The following KANSL1 variants were observed in gnomAD, a reference collection of about 807,000 sequenced individuals.
KANSL1 encodes MLL1/MLL complex subunit KANSL1.
KANSL1 carries 22 observed loss-of-function variants against 103.6 expected under a neutral mutation model. The observed-to-expected ratio is 0.21, with a 90% CI of 0.15 to 0.30. The LOEUF (loss-of-function observed/expected upper bound fraction) is 0.30. Ranked by LOEUF, KANSL1 falls within the 10% of genes least tolerant of loss-of-function variation. KANSL1 has a pLI of 1.00. For synonymous variants in KANSL1, 600 were observed against 527.6 expected (o/e 1.14, Z -1.88); for missense variants, 1,337 against 1,399.8 (o/e 0.96, Z 0.72).
chr17:46,094,764 G>T, intron 2 of KANSL1, 63 bp from the exon 3 acceptor site: 12 of 1,590,784 alleles, frequency 7.5e-6, no homozygotes, highest in Non-Finnish European at 9.5e-6. Context: ...AGATTGGGGG[G>T]TGGGGAGTGG....
chr17:46,111,823 T>C (rs1246891830), intron 2 of KANSL1, among the ~76,000 whole-genome samples: 1 of 152,234 alleles, frequency 6.6e-6, no homozygotes, highest in Non-Finnish European at 1.5e-5. Context: ...TTAAAGACTT[T>C]AGCATAATCA....
chr17:46,209,328 C>T (rs1249780313), intron 1 of KANSL1, among the ~76,000 whole-genome samples: 4 of 152,076 alleles, frequency 2.6e-5, no homozygotes, highest in Admixed American at 6.5e-5. Flanking sequence ...TTATTTGCTT[C>T]GATATTTACT....
intron 2 of KANSL1, among the ~76,000 whole-genome samples, chr17:46,150,204 C>T (rs2045013923): frequency 6.6e-6 from 1 of 151,014 alleles, no homozygotes; most frequent in South Asian, 2.1e-4. Flanking sequence ...ATTGTGGCTG[C>T]TTATACTGCT....
intron 2 of KANSL1, among the ~76,000 whole-genome samples, chr17:46,125,068 AGGAGGGAGGGAGGGAGAGAG>A (rs1567702596): frequency 4.3e-5 from 1 of 23,020 alleles, no homozygotes; most frequent in African/African-American, 1.7e-4. Context: ...GGAGGGAGGG[AGGAGGGAGGGAGGGAGAGAG>A]GGAGGGAGGG....
intron 1 of KANSL1, among the ~76,000 whole-genome samples, chr17:46,175,092 C>T (rs910524180): frequency 6.6e-6 from 1 of 152,044 alleles, no homozygotes; most frequent in Non-Finnish European, 1.5e-5. Context: ...GACTAAGCAC[C>T]CCCCTCCCTG....
At position 46,162,006 on chromosome 17, in the gene KANSL1, T is replaced by C. The variant is rs182584191; in HGVS notation, c.1289+8849A>G. Among the ~76,000 whole-genome samples, 25 of 152,364 alleles carry C rather than the reference T, an allele frequency of 1.6e-4. No individual in the cohort carries two copies. The East Asian group carries it at 2.1e-3, about 13-fold the overall frequency. On this transcript the variant is annotated intron_variant, in intron 2 of 14. Transcript: ENST00000432791. ...TACAAGAAACCTTTCTTCACACTTA[T>C]AGAAATATAAAATCAAACAGGACAC...
intron 1 of KANSL1, among the ~76,000 whole-genome samples, chr17:46,175,381 G>A (rs2046474000): frequency 7.4e-6 from 1 of 135,686 alleles, no homozygotes; most frequent in Non-Finnish European, 1.6e-5. Context: ...ATGTAGTCTC[G>A]CTCTGTCGCC....
Position 46,105,865 on chromosome 17 carries a change from T to TCACACACACACA in KANSL1, c.1290-11176_1290-11165dup, listed in dbSNP as rs373943708. Among the ~76,000 whole-genome samples, 88 of 134,664 alleles carry TCACACACACACA rather than the reference T, an allele frequency of 6.5e-4. 1 individual carries two copies. Among genetic ancestry groups the TCACACACACACA allele is most frequent in the African/African-American group, 2.5e-3 (85 of 33,660 alleles). 88.3% of individuals were successfully genotyped at this position (134,664 alleles called of 152,430 possible). Reference sequence around the variant, plus strand: ...CAGCCTGGGCAGCACAGCAAGACCTTCACACACACACACACACACACACAC... The same window carrying TCACACACACACA: ...CAGCCTGGGCAGCACAGCAAGACCTTCACACACACACACACACACACACACACACACACACAC... On this transcript the variant is annotated intron_variant, in intron 2 of 14. Coordinates refer to ENST00000432791, the MANE Select transcript of KANSL1 (RefSeq NM_015443.4).
chr17:46,104,558 T>C (rs2042450050), intron 2 of KANSL1, among the ~76,000 whole-genome samples: 1 of 152,260 alleles, frequency 6.6e-6, no homozygotes, highest in African/African-American at 2.4e-5. Flanking sequence ...CAATTTTTAA[T>C]GATGTCTGTG....
intron 4 of KANSL1, among the ~76,000 whole-genome samples, chr17:46,074,804 TAA>T (rs2078701044): frequency 6.7e-6 from 1 of 150,272 alleles, no homozygotes; most frequent in African/African-American, 2.5e-5. Flanking sequence ...AATAAATAAA[TAA>T]ATATTGTCAG....
At chr17:46,072,443 A>G (rs2078612293) in intron 4 of KANSL1, among the ~76,000 whole-genome samples, 1 of 152,166 alleles carries the variant, frequency 6.6e-6, no homozygotes, top group African/African-American at 2.4e-5. Flanking sequence ...TTAAAATGGA[A>G]AGAAAATGCT....
intron 2 of KANSL1, among the ~76,000 whole-genome samples, chr17:46,149,635 C>A (rs1218667284): frequency 1.3e-5 from 2 of 152,276 alleles, no homozygotes; most frequent in Non-Finnish European, 2.9e-5. Context: ...AGGGCATAGT[C>A]TGTTGATTGT....
chr17:46,163,466 C>T (rs1245667614), intron 2 of KANSL1, among the ~76,000 whole-genome samples: 1 of 152,220 alleles, frequency 6.6e-6, no homozygotes, highest in Non-Finnish European at 1.5e-5. Flanking sequence ...AGGCTCAACC[C>T]ATCTTCCTGT....
intron 1 of KANSL1, among the ~76,000 whole-genome samples, chr17:46,183,084 G>A (rs145598833): frequency 3.7e-4 from 57 of 152,286 alleles, no homozygotes; most frequent in Admixed American, 1.4e-3. Flanking sequence ...AGAAGTAGGC[G>A]GAGTCAGAAA....
At chr17:46,149,546 A>C (rs1485042439) in intron 2 of KANSL1, among the ~76,000 whole-genome samples, 1 of 152,272 alleles carries the variant, frequency 6.6e-6, no homozygotes, top group Non-Finnish European at 1.5e-5. Flanking sequence ...GCCACAGACA[A>C]TATTCAAGTG....
At chr17:46,047,809 A>C (rs78005814) in intron 7 of KANSL1, among the ~76,000 whole-genome samples, 50,866 of 148,370 alleles carry the variant, frequency 0.34, 9,424 homozygotes, top group South Asian at 0.57. Context: ...AATTAAAAAA[A>C]AAAAAAAAAC....
chr17:46,219,974 G>A (rs2048471810), intron 1 of KANSL1, among the ~76,000 whole-genome samples: 1 of 151,946 alleles, frequency 6.6e-6, no homozygotes, highest in Admixed American at 6.6e-5. Flanking sequence ...GTGGTGGCGG[G>A]CGCCTGTGGT....
chr17:46,030,641 C>G lies in KANSL1; in HGVS notation c.*835G>C, dbSNP rs910386118. The G allele has an allele frequency of 3.9e-5, 6 of 151,926 alleles. No homozygotes were observed. The highest frequency in any genetic ancestry group is 1.5e-4 in the African/African-American group (6 of 41,326). 9.4% of individuals were successfully genotyped at this position (151,926 alleles called of 1,614,324 possible). A position where few individuals can be genotyped will look rare whatever the true frequency, so the allele number is the denominator to read the frequency against. On this transcript the variant is annotated 3_prime_UTR_variant, in exon 15 of 15. Transcript: ENST00000432791. The stretch of plus-strand genomic sequence containing the variant: ...GATGGCTGCTCACTTCCCACAACCC[C>G]CAGTTTGCAGGGGAGTGGGAATAGA...
chr17:46,038,249 G>T, intron 10 of KANSL1: 1 of 401,014 alleles, frequency 2.5e-6, no homozygotes, highest in East Asian at 4.1e-5. Context: ...AACAGATCTT[G>T]AATAGTCACA....
Sources: allele counts gnomAD v4.1 joint callset (sites outside exome capture counted in the v4.1 genomes callset), GRCh38; gene constraint gnomAD v4.1.1; transcripts MANE v1.5; gene names NCBI Gene and HGNC (gene_info 2026-07-23, HGNC 2026-07-21).